The following CADPS variants were observed in gnomAD, a reference collection of about 807,000 sequenced individuals.
CADPS encodes the protein calcium dependent secretion activator.
CADPS carries 57 observed loss-of-function variants against 167.3 expected under a neutral mutation model. The observed-to-expected ratio is 0.34, with a 90% CI of 0.28 to 0.42. The LOEUF (loss-of-function observed/expected upper bound fraction) is 0.42. Among genes scored for constraint, CADPS ranks in the 20% least tolerant of loss-of-function variants. The probability of loss-of-function intolerance (pLI) is 1.00; values close to 1 mark genes in which losing one functional copy is unlikely to be tolerated. For missense variants in CADPS, 1,414 were observed against 1,738.1 expected (o/e 0.81, Z 3.32); for synonymous variants, 676 against 635.3 (o/e 1.06, Z -0.96).
At chr3:62,735,127 A>C (rs2078729109) in intron 3 of CADPS, among the ~76,000 whole-genome samples, 1 of 152,190 alleles carries the variant, frequency 6.6e-6, no homozygotes, top group Non-Finnish European at 1.5e-5. Context: ...TATTTCATTA[A>C]GTAAATGACG....
chr3:62,852,824 A>T (rs1365353590), intron 1 of CADPS, among the ~76,000 whole-genome samples: 1 of 152,134 alleles, frequency 6.6e-6, no homozygotes. Flanking sequence ...TTCCCTCAAC[A>T]CTTCATATCT....
chr3:62,786,293 A>G (rs304206), intron 1 of CADPS, among the ~76,000 whole-genome samples: 114,467 of 152,154 alleles, frequency 0.75, 43,343 homozygotes, highest in East Asian at 0.95. Flanking sequence ...AAAGCAATTT[A>G]AAAGTAGAAA....
chr3:62,668,883 C>A (rs981231510), intron 3 of CADPS, among the ~76,000 whole-genome samples: 10 of 152,198 alleles, frequency 6.6e-5, no homozygotes, highest in African/African-American at 2.4e-4. Context: ...AAGGAATGAC[C>A]TACCCACAGT....
intron 28 of CADPS, among the ~76,000 whole-genome samples, chr3:62,406,472 G>C (rs1035485431): frequency 1.3e-5 from 2 of 152,164 alleles, no homozygotes; most frequent in African/African-American, 4.8e-5. Flanking sequence ...CCTTGGTTCA[G>C]ATATGCCTTT....
intron 9 of CADPS, among the ~76,000 whole-genome samples, chr3:62,564,845 T>G (rs1307874764): frequency 6.6e-6 from 1 of 152,110 alleles, no homozygotes; most frequent in East Asian, 1.9e-4. Context: ...GACCTTGTAA[T>G]CCACCTGACT....
intron 4 of CADPS, among the ~76,000 whole-genome samples, chr3:62,660,102 G>A (rs2072803607): frequency 6.6e-6 from 1 of 152,162 alleles, no homozygotes; most frequent in Non-Finnish European, 1.5e-5. Flanking sequence ...TCAGAGATGA[G>A]CATCTTGGCT....
intron 3 of CADPS, among the ~76,000 whole-genome samples, chr3:62,740,942 CAGTT>C (rs1317643920): frequency 2.0e-5 from 3 of 152,182 alleles, no homozygotes; most frequent in Non-Finnish European, 2.9e-5. Context: ...GACTTTTTAA[CAGTT>C]AGAATTTATT....
At position 62,765,039 on chromosome 3, in the gene CADPS, G is replaced by A. The variant is rs41377554; in HGVS notation, c.555+832C>T. Among the ~76,000 whole-genome samples the A allele has an allele frequency of 4.9e-3, 744 of 152,248 alleles. 4 individuals are homozygous for A. The highest frequency in any genetic ancestry group is 0.017 in the African/African-American group (697 of 41,548). On this transcript the variant is annotated intron_variant, in intron 2 of 29. Transcript: ENST00000383710. ...GGGCATAGGATTCCAAACACAGAGA[G>A]TATTTACCTGGTTCACATTAAAATA...
chr3:62,686,638 G>A (rs971370226), intron 3 of CADPS, among the ~76,000 whole-genome samples: 1 of 151,972 alleles, frequency 6.6e-6, no homozygotes, highest in African/African-American at 2.4e-5. Flanking sequence ...ATGTACTTAA[G>A]GGTGTGTCAT....
At chr3:62,603,262 A>G (rs144839659) in intron 6 of CADPS, among the ~76,000 whole-genome samples, 138 of 152,368 alleles carry the variant, frequency 9.1e-4, no homozygotes, top group African/African-American at 3.1e-3. Flanking sequence ...AAATGTGTGG[A>G]GATGAAATTC....
In CADPS at chr3:62,536,524, T is replaced by C. The variant is rs764524930; in HGVS notation, c.2024A>G (p.Asn675Ser). The C allele has an allele frequency of 3.1e-6, 5 of 1,613,456 alleles. No homozygotes were observed. The highest frequency in any genetic ancestry group is 4.2e-6 in the Non-Finnish European group (5 of 1,179,484). The change falls in exon 12 of 30, where the codon AAC (asparagine) becomes AGC (serine). Residue 675 changes from asparagine (N) to serine (S), a missense_variant. Physicochemically the swap from Asn to Ser is conservative, Grantham distance 46. Around this residue, in one of 6 missense-constraint regions of CADPS, gnomAD observed 529 missense variants for 629.6 expected, o/e 0.84. Transcript: ENST00000383710. ...MDEFISSNPC[N>S]FDHASLFEMV... Reference sequence around the variant, plus strand: ...CTCAAAGAGGGAAGCGTGGTCAAAGTTACAGGGGTTGGAAGAGATAAATTC... The same window carrying C: ...CTCAAAGAGGGAAGCGTGGTCAAAGCTACAGGGGTTGGAAGAGATAAATTC...
At chr3:62,489,033 A>C (rs1414957175) in intron 21 of CADPS, among the ~76,000 whole-genome samples, 2 of 152,206 alleles carry the variant, frequency 1.3e-5, no homozygotes, top group East Asian at 3.9e-4. Flanking sequence ...ATTGGTAAAA[A>C]TATTCCCAAG....
chr3:62,696,810 G>T (rs986928723), intron 3 of CADPS, among the ~76,000 whole-genome samples: 1 of 151,992 alleles, frequency 6.6e-6, no homozygotes, highest in African/African-American at 2.4e-5. Context: ...ACACAGGATT[G>T]GCTGACCAGA....
At chr3:62,840,235 T>A (rs1209544113) in intron 1 of CADPS, among the ~76,000 whole-genome samples, 2 of 152,210 alleles carry the variant, frequency 1.3e-5, no homozygotes, top group African/African-American at 4.8e-5. Context: ...CACTTTCCAA[T>A]TCTAATTCAT....
At chr3:62,480,272 T>G (rs1042938859) in intron 22 of CADPS, among the ~76,000 whole-genome samples, 1 of 152,214 alleles carries the variant, frequency 6.6e-6, no homozygotes, top group Admixed American at 6.5e-5. Context: ...TCATATCTTT[T>G]CAAAAACAGT....
intron 11 of CADPS, among the ~76,000 whole-genome samples, chr3:62,542,357 C>G (rs2075820056): frequency 6.6e-6 from 1 of 152,062 alleles, no homozygotes; most frequent in African/African-American, 2.4e-5. Flanking sequence ...ATCTGCTTGA[C>G]AGTACAAGAG....
intron 3 of CADPS, among the ~76,000 whole-genome samples, chr3:62,677,160 C>A (rs1310485635): frequency 2.0e-5 from 3 of 152,040 alleles, no homozygotes; most frequent in African/African-American, 7.2e-5. Context: ...AGAAGCAAAG[C>A]TGCAGAAATT....
intron 28 of CADPS, among the ~76,000 whole-genome samples, chr3:62,423,282 G>T (rs1297357149): frequency 6.6e-6 from 1 of 152,216 alleles, no homozygotes; most frequent in African/African-American, 2.4e-5. Context: ...CCCTAATGGG[G>T]TTGAATTTTC....
At chr3:62,751,694 T>G (rs2082741995) in intron 3 of CADPS, among the ~76,000 whole-genome samples, 1 of 152,190 alleles carries the variant, frequency 6.6e-6, no homozygotes, top group Non-Finnish European at 1.5e-5. Context: ...GTGCTGAGAT[T>G]ACAGGCATGA....
Sources: gnomAD v4.1 joint callset for allele counts (sites outside exome capture counted in the v4.1 genomes callset) on GRCh38, gnomAD v4.1.1 for gene constraint, gnomAD v4.1.1 regional missense constraint, MANE v1.5 for transcripts, NCBI Gene and HGNC (gene_info 2026-07-23, HGNC 2026-07-21) for gene names.